Variants in EIF2AK2 observed in about 807,000 individuals in gnomAD.
The protein encoded by EIF2AK2 is eukaryotic translation initiation factor 2 alpha kinase 2.
A neutral mutation model predicts 70.5 loss-of-function variants in EIF2AK2; 40 were observed. The ratio of observed to expected loss-of-function variants is 0.57; its 90% CI spans 0.44 to 0.74. The LOEUF (loss-of-function observed/expected upper bound fraction) is 0.74, where lower values mean the gene tolerates loss of function less well. Ranked by LOEUF, EIF2AK2 falls within the 30% of genes least tolerant of loss-of-function variation. The pLI is 0.00. For missense variants in EIF2AK2, 555 were observed against 644.3 expected (o/e 0.86, Z 1.50); for synonymous variants, 198 against 220.9 (o/e 0.90, Z 0.92).
At chr2:37,110,013 G>A (rs373432155) in intron 14 of EIF2AK2, among the ~76,000 whole-genome samples, 61 of 151,266 alleles carry the variant, frequency 4.0e-4, no homozygotes, top group African/African-American at 1.5e-3. Context: ...TTGTCAAAAC[G>A]AAAAAATATA....
intron 10 of EIF2AK2, among the ~76,000 whole-genome samples, chr2:37,130,977 C>T (rs141190772): frequency 4.5e-4 from 69 of 152,296 alleles, no homozygotes; most frequent in African/African-American, 1.6e-3. Flanking sequence ...ACTCCAAATA[C>T]CAGGGAAATT....
At chr2:37,109,363 A>G in intron 14 of EIF2AK2, 68 bp from the exon 15 acceptor site, 3 of 1,417,156 alleles carry the variant, frequency 2.1e-6, no homozygotes, top group Non-Finnish European at 2.9e-6. Context: ...TCTAAAGCCC[A>G]AAAAAGTTAT....
At chr2:37,121,617 ATTT>A (rs34031780) in intron 12 of EIF2AK2, among the ~76,000 whole-genome samples, 7 of 122,124 alleles carry the variant, frequency 5.7e-5, no homozygotes, top group Non-Finnish European at 8.7e-5. Flanking sequence ...TGGAGGCTTG[ATTT>A]TTTTTTTTTT....
chr2:37,111,858 T>A (rs1395904931), intron 14 of EIF2AK2, among the ~76,000 whole-genome samples: 2 of 45,748 alleles, frequency 4.4e-5, no homozygotes, highest in Non-Finnish European at 8.2e-5. Context: ...CAAGACCCTG[T>A]CTCAAAAAAA....
chr2:37,131,295 T>G (rs1448492473), intron 10 of EIF2AK2, among the ~76,000 whole-genome samples: 1 of 152,196 alleles, frequency 6.6e-6, no homozygotes, highest in African/African-American at 2.4e-5. Context: ...CTTGGACTAT[T>G]AGCCCAATCC....
At chr2:37,138,210 A>T in intron 8 of EIF2AK2, 60 bp downstream of exon 8, 1 of 1,319,052 alleles carries the variant, frequency 7.6e-7, no homozygotes, top group Non-Finnish European at 1.1e-6. Flanking sequence ...AGTTATTTTT[A>T]AATGAGGAAA....
chr2:37,133,989 T>C (rs1255952696), intron 10 of EIF2AK2, among the ~76,000 whole-genome samples: 1 of 152,220 alleles, frequency 6.6e-6, no homozygotes, highest in Non-Finnish European at 1.5e-5. Flanking sequence ...GAACGTTCTA[T>C]AAACCTTACA....
intron 1 of EIF2AK2, among the ~76,000 whole-genome samples, chr2:37,154,832 G>A (rs141682557): frequency 1.2e-3 from 190 of 152,214 alleles, no homozygotes; most frequent in Non-Finnish European, 3.5e-4. Flanking sequence ...AAAGTGCTGC[G>A]ATTACAGGCA....
In EIF2AK2 at chr2:37,114,711, A is replaced by C. The variant is rs151137328; in HGVS notation, c.1377+20T>G. The C allele has an allele frequency of 6.2e-4, 941 of 1,525,940 alleles. 9 individuals are homozygous for C. The African/African-American group carries it at 0.012, about 20-fold the overall frequency. The allele number at this position is 1,525,940 out of a possible 1,614,324, so 94.5% of individuals were successfully genotyped here. A position where few individuals can be genotyped will look rare whatever the true frequency, so the allele number is the denominator to read the frequency against. On this transcript the variant is annotated intron_variant, in intron 14 of 16. Coordinates refer to ENST00000233057, the MANE Select transcript of EIF2AK2 (RefSeq NM_001135651.3). ...AAAATAAAAGAAGTAAAATATAGAC[A>C]GACAGGAAAGAGACCTTACCTGTTC...
intron 7 of EIF2AK2, 71 bp from the exon 8 acceptor site, chr2:37,138,434 C>T: frequency 1.9e-6 from 3 of 1,600,404 alleles, no homozygotes; most frequent in Non-Finnish European, 1.7e-6. Flanking sequence ...CCTAAATTCT[C>T]CTTAAACATA....
chr2:37,107,660 A>C, intron 15 of EIF2AK2, 133 bp from the exon 16 acceptor site: 1 of 921,000 alleles, frequency 1.1e-6, no homozygotes, highest in Non-Finnish European at 1.6e-6. Flanking sequence ...GCCAAGAAGC[A>C]AGCAGGATTC....
chr2:37,153,344 T>C (rs1675813124), intron 1 of EIF2AK2, among the ~76,000 whole-genome samples: 1 of 143,870 alleles, frequency 7.0e-6, no homozygotes, highest in Non-Finnish European at 1.5e-5. Context: ...AATCTTTTTT[T>C]TTTTTTTTTT....
At chr2:37,132,095 G>A (rs748125985) in intron 10 of EIF2AK2, among the ~76,000 whole-genome samples, 23 of 152,116 alleles carry the variant, frequency 1.5e-4, no homozygotes, top group Non-Finnish European at 2.9e-4. Context: ...TCAGATAAAA[G>A]CCACATTTCT....
intron 1 of EIF2AK2, 139 bp from the exon 2 acceptor site, chr2:37,149,162 G>T: frequency 1.0e-6 from 1 of 1,003,982 alleles, no homozygotes; most frequent in East Asian, 2.4e-5. Context: ...CCTCGATGAA[G>T]ATTGTTTAGG....
intron 10 of EIF2AK2, among the ~76,000 whole-genome samples, chr2:37,129,510 C>T (rs1020223993): frequency 2.0e-5 from 3 of 152,128 alleles, no homozygotes; most frequent in East Asian, 3.9e-4. Flanking sequence ...TGAGGGTACC[C>T]GGCATCCTTC....
At chr2:37,119,897 G>T in intron 13 of EIF2AK2, 62 bp downstream of exon 13, 1 of 977,394 alleles carries the variant, frequency 1.0e-6, no homozygotes, top group Non-Finnish European at 1.3e-6. Context: ...CAGCTGAGAA[G>T]ATATATTTTA....
chr2:37,128,962 C>T (rs889445936), intron 10 of EIF2AK2, among the ~76,000 whole-genome samples: 9 of 152,328 alleles, frequency 5.9e-5, no homozygotes, highest in African/African-American at 2.2e-4. Flanking sequence ...TCTTATCACA[C>T]CTCACTGAAG....
Position 37,141,545 on chromosome 2 carries a change from T to C in EIF2AK2, c.389+8A>G. 6 of 1,604,676 alleles carry C rather than the reference T, an allele frequency of 3.7e-6. No individual in the cohort carries two copies. Among genetic ancestry groups the C allele is most frequent in the Non-Finnish European group, 5.1e-6 (6 of 1,177,964 alleles). ...TGAAACAGAAAGAAAAGCCAAATTA[T>C]GTCTTACCCTTCTGGCCCATGCACC... is the stretch of plus-strand genomic sequence containing the variant. On this transcript the variant is annotated splice_region_variant and intron_variant, in intron 5 of 16. Transcript: ENST00000233057.
intron 5 of EIF2AK2, among the ~76,000 whole-genome samples, chr2:37,140,324 G>A (rs568374432): frequency 3.9e-5 from 6 of 152,300 alleles, no homozygotes; most frequent in African/African-American, 1.4e-4. Context: ...CCTATTAGAT[G>A]TAAGGACATT....
Sources: allele counts gnomAD v4.1 joint callset (sites outside exome capture counted in the v4.1 genomes callset), GRCh38; gene constraint gnomAD v4.1.1; transcripts MANE v1.5; gene names NCBI Gene and HGNC (gene_info 2026-07-23, HGNC 2026-07-21).